The following SLC30A9 variants were observed in gnomAD, a reference collection of about 807,000 sequenced individuals.
SLC30A9 encodes solute carrier family 30 member 9.
SLC30A9 carries 58 observed loss-of-function variants against 87.5 expected under a neutral mutation model. The observed-to-expected ratio is 0.66, with a 90% CI of 0.54 to 0.82. SLC30A9 has a LOEUF of 0.82. Among genes scored for constraint, SLC30A9 ranks in the 40% least tolerant of loss-of-function variants. The pLI is 0.00. For synonymous variants in SLC30A9, 234 were observed against 233.0 expected, an observed-to-expected ratio of 1.00 and a Z score of -0.04; for missense variants, 557 against 679.1, an observed-to-expected ratio of 0.82 and a Z score of 2.00.
At chr4:42,064,768 T>C (rs902482590) in intron 11 of SLC30A9, among the ~76,000 whole-genome samples, 4 of 152,178 alleles carry the variant, frequency 2.6e-5, no homozygotes, top group Non-Finnish European at 4.4e-5. Flanking sequence ...CTTTTTAAAA[T>C]AGTGTTGGAC....
Position 42,067,327 on chromosome 4 carries a change from A to G in SLC30A9, c.1252+135A>G, listed in dbSNP as rs10006587. 1.8e-3 allele frequency: 1,062 copies of G among 601,548 alleles called. 8 individuals are homozygous for G. The African/African-American group carries it at 0.018, about 10-fold the overall frequency. 37.3% of individuals were successfully genotyped at this position (601,548 alleles called of 1,614,324 possible). A position where few individuals can be genotyped will look rare whatever the true frequency, so the allele number is the denominator to read the frequency against. The stretch of plus-strand genomic sequence containing the variant: ...AAATGTTAATTCCTACTAATCATTG[A>G]CTTATGTAAGACATTTGGTCAGCAG... On this transcript the variant is annotated intron_variant, in intron 14 of 17. Transcript: ENST00000264451.
chr4:42,000,884 G>A (rs1714955338), intron 1 of SLC30A9, among the ~76,000 whole-genome samples: 1 of 151,972 alleles, frequency 6.6e-6, no homozygotes, highest in Admixed American at 6.6e-5. Context: ...TCTATATAGG[G>A]TTTTTGGGTT....
intron 9 of SLC30A9, among the ~76,000 whole-genome samples, chr4:42,051,835 A>G (rs1366342769): frequency 2.0e-5 from 3 of 152,098 alleles, no homozygotes; most frequent in Admixed American, 2.0e-4. Flanking sequence ...AGAGAATGAA[A>G]TGTTTTTCTA....
At chr4:42,027,679 A>G (rs368479998) in intron 6 of SLC30A9, among the ~76,000 whole-genome samples, 1 of 152,194 alleles carries the variant, frequency 6.6e-6, no homozygotes, top group African/African-American at 2.4e-5. Flanking sequence ...AGTATTCCCA[A>G]CTCACAGGAG....
In SLC30A9 at chr4:41,995,451, C is replaced by T. The variant is rs184695866; in HGVS notation, c.109+4691C>T. On this transcript the variant is annotated intron_variant, in intron 1 of 17. Coordinates refer to ENST00000264451, the MANE Select transcript of SLC30A9 (RefSeq NM_006345.4). ...TAGTTGCTGATAGTGTAGTGCTGAA[C>T]GAGGTGGATGGTTTCCACCTTTCTT... 9.9e-5 allele frequency among the ~76,000 whole-genome samples: 15 copies of T among 152,128 alleles called. No individual in the cohort carries two copies. The East Asian group carries it at 1.9e-3, about 20-fold the overall frequency.
At chr4:42,033,607 G>T (rs368474534) in intron 6 of SLC30A9, among the ~76,000 whole-genome samples, 6 of 151,784 alleles carry the variant, frequency 4.0e-5, no homozygotes, top group Admixed American at 1.3e-4. Context: ...GCGGAGTCTC[G>T]CTCTGTGGCC....
chr4:41,998,470 TTG>T (rs772889697), intron 1 of SLC30A9, among the ~76,000 whole-genome samples: 7,228 of 151,670 alleles, frequency 0.048, 228 homozygotes, highest in African/African-American at 0.076. Context: ...TTCTTTTTTT[TTG>T]TTTGTTTTTG....
chr4:41,993,798 A>T (rs1714565434), intron 1 of SLC30A9, among the ~76,000 whole-genome samples: 1 of 152,238 alleles, frequency 6.6e-6, no homozygotes, highest in South Asian at 2.1e-4. Flanking sequence ...GGAGAGTGGG[A>T]AACTGAAATA....
chr4:42,035,275 GGCTATTTAGAAACCAAAAAATATTAA>G lies in SLC30A9; in HGVS notation c.613_638del (p.Leu205ArgfsTer21). ...TAAATTTATTTTGTTATTCTTACAG[GGCTATTTAGAAACCAAAAAATATTAA>G]GAGAATACAGAGATTTCTTGGGAAA... On this transcript the variant is annotated frameshift_variant and splice_region_variant, in exon 7 of 18. Transcript: ENST00000264451. LOFTEE classifies it high-confidence loss of function. The G allele has an allele frequency of 6.3e-7, 1 of 1,596,424 alleles. No individual in the cohort carries two copies. The highest frequency in any genetic ancestry group is 8.6e-7 in the Non-Finnish European group (1 of 1,166,812).
At chr4:42,016,528 A>G (rs553725298) in intron 2 of SLC30A9, among the ~76,000 whole-genome samples, 1 of 152,240 alleles carries the variant, frequency 6.6e-6, no homozygotes, top group South Asian at 2.1e-4. Context: ...TCGTTGTGAT[A>G]GCTTATTGTA....
chr4:42,066,745 G>A (rs892868067), intron 13 of SLC30A9, 124 bp downstream of exon 13: 3 of 595,526 alleles, frequency 5.0e-6, no homozygotes, highest in African/African-American at 3.8e-5. Flanking sequence ...TCCCTGTGTG[G>A]CTCTTACATA....
chr4:42,064,370 C>G (rs992415948), intron 11 of SLC30A9, among the ~76,000 whole-genome samples: 2 of 152,172 alleles, frequency 1.3e-5, no homozygotes, highest in African/African-American at 4.8e-5. Context: ...GAGTTGTAGT[C>G]AGAACTAGAC....
At chr4:42,082,568 C>T (rs938556550) in intron 17 of SLC30A9, among the ~76,000 whole-genome samples, 10 of 152,260 alleles carry the variant, frequency 6.6e-5, no homozygotes, top group African/African-American at 2.2e-4. Context: ...GAACTTGTGG[C>T]TGGGCGCAGT....
chr4:42,026,536 G>C (rs1226636380), intron 6 of SLC30A9, among the ~76,000 whole-genome samples: 3 of 152,196 alleles, frequency 2.0e-5, no homozygotes, highest in Non-Finnish European at 4.4e-5. Context: ...TTTCTCAGAA[G>C]AATATCATTG....
At chr4:42,001,886 G>T in intron 2 of SLC30A9, 106 bp downstream of exon 2, 2 of 678,168 alleles carry the variant, frequency 2.9e-6, no homozygotes, top group Non-Finnish European at 2.4e-6. Flanking sequence ...ATACTGTCTG[G>T]ACTGATGTTT....
intron 2 of SLC30A9, among the ~76,000 whole-genome samples, chr4:42,015,341 A>C (rs1430975045): frequency 1.3e-5 from 2 of 152,158 alleles, no homozygotes; most frequent in South Asian, 2.1e-4. Context: ...AATATAGAAA[A>C]CTTTTTCAAT....
chr4:42,059,613 TCTTTTA>T (rs1430254169), intron 9 of SLC30A9, among the ~76,000 whole-genome samples: 1 of 152,186 alleles, frequency 6.6e-6, no homozygotes, highest in Admixed American at 6.5e-5. Flanking sequence ...GTTGTTATTA[TCTTTTA>T]CTTGTAAAGC....
intron 14 of SLC30A9, among the ~76,000 whole-genome samples, 156 bp downstream of exon 14, chr4:42,067,348 A>G (rs556623949): frequency 9.8e-5 from 15 of 152,338 alleles, no homozygotes; most frequent in African/African-American, 3.1e-4. Flanking sequence ...ACATTTGGTC[A>G]GCAGAAGTAT....
intron 2 of SLC30A9, among the ~76,000 whole-genome samples, chr4:42,013,014 C>T (rs150100200): frequency 6.6e-6 from 1 of 152,272 alleles, no homozygotes; most frequent in East Asian, 1.9e-4. Context: ...GGCTCAGTGA[C>T]TCAGGCCTGT....
Sources: allele counts gnomAD v4.1 joint callset (sites outside exome capture counted in the v4.1 genomes callset), GRCh38; gene constraint gnomAD v4.1.1; transcripts MANE v1.5; gene names NCBI Gene and HGNC (gene_info 2026-07-23, HGNC 2026-07-21).